Variants in GATM observed in about 807,000 individuals in gnomAD.
GATM encodes the protein glycine amidinotransferase, mitochondrial.
Under a neutral mutation model 54.2 loss-of-function variants are expected in GATM, and 23 were observed. That is an observed-to-expected ratio of 0.42 (90% CI 0.31 to 0.60). The LOEUF (loss-of-function observed/expected upper bound fraction) is 0.60. GATM is among the 20% of genes least tolerant of loss of function. The pLI is 0.14. For synonymous variants in GATM, 168 were observed against 183.1 expected (o/e 0.92, Z 0.67); for missense variants, 401 against 544.9 (o/e 0.74, Z 2.63).
chr15:45,361,809 G>C lies in GATM; in HGVS notation c.*300C>G. The C allele has an allele frequency of 1.9e-6, 1 of 521,178 alleles. No homozygotes were observed. Among genetic ancestry groups the C allele is most frequent in the Non-Finnish European group, 3.4e-6 (1 of 297,824 alleles). 32.3% of individuals were successfully genotyped at this position (521,178 alleles called of 1,614,324 possible). A position where few individuals can be genotyped will look rare whatever the true frequency, so the allele number is the denominator to read the frequency against. ...AAGAAAATTAAAAACAGAGGTAGAT[G>C]GTTAATTATTAGTGGCCAAGTTACT... On this transcript the variant is annotated 3_prime_UTR_variant, in exon 9 of 9. Transcript: ENST00000396659.
intron 3 of GATM, among the ~76,000 whole-genome samples, chr15:45,384,713 C>T (rs1345730202): frequency 1.3e-5 from 2 of 152,056 alleles, no homozygotes; most frequent in Admixed American, 6.6e-5. Flanking sequence ...TTCCCCACCC[C>T]TCCTTTGTTT....
rs775917848 is a variant in GATM at position 45,362,105 on chromosome 15, C to CTG, written c.*2_*3dup. 2 of 1,579,190 alleles carry CTG rather than the reference C, an allele frequency of 1.3e-6. No homozygotes were observed. Among genetic ancestry groups the CTG allele is most frequent in the South Asian group, 2.2e-5 (2 of 90,228 alleles). ...AGGCCAGCCACAAGCTCCATCAGGC[C>CTG]TGTTCAGTCCAAGTAGGACTGTAAG... On this transcript the variant is annotated 3_prime_UTR_variant, in exon 9 of 9. Transcript: ENST00000396659.
At chr15:45,366,642 C>A in intron 4 of GATM, 134 bp from the exon 5 acceptor site, 1 of 970,092 alleles carries the variant, frequency 1.0e-6, no homozygotes. Context: ...CTAAAACATG[C>A]CTGGGAAAGA....
chr15:45,376,007 T>A (rs147228889), intron 2 of GATM, among the ~76,000 whole-genome samples: 1 of 152,186 alleles, frequency 6.6e-6, no homozygotes, highest in Non-Finnish European at 1.5e-5. Flanking sequence ...AGATTCATTT[T>A]TGACAAAAGC....
chr15:45,396,729 C>T (rs902593863), intron 3 of GATM, among the ~76,000 whole-genome samples: 6 of 151,692 alleles, frequency 4.0e-5, no homozygotes, highest in Admixed American at 6.6e-5. Context: ...ATTAGCCGGG[C>T]GTGGCAGCAT....
chr15:45,364,942 T>C, intron 6 of GATM, 82 bp from the exon 7 acceptor site: 1 of 1,122,208 alleles, frequency 8.9e-7, no homozygotes, highest in South Asian at 1.3e-5. Flanking sequence ...CCCTTATCAG[T>C]AATAATTCTC....
At chr15:45,362,301 AG>A in intron 8 of GATM, 80 bp from the exon 9 acceptor site, 1 of 856,020 alleles carries the variant, frequency 1.2e-6, no homozygotes, top group Non-Finnish European at 2.0e-6. Context: ...ACAGACTTGG[AG>A]GAGTCCTGTG....
intron 3 of GATM, among the ~76,000 whole-genome samples, chr15:45,396,752 C>G (rs1007425824): frequency 6.6e-6 from 1 of 151,652 alleles, no homozygotes; most frequent in African/African-American, 2.4e-5. Context: ...TGCCTGTAAT[C>G]CCAGCTACTC....
chr15:45,385,198 G>A (rs545992516), intron 3 of GATM, among the ~76,000 whole-genome samples: 130 of 152,306 alleles, frequency 8.5e-4, no homozygotes, highest in African/African-American at 2.9e-3. Flanking sequence ...GGTGTTGCAG[G>A]AAATATTTTT....
chr15:45,389,970 G>A (rs1360949501), intron 3 of GATM, among the ~76,000 whole-genome samples: 2 of 151,538 alleles, frequency 1.3e-5, no homozygotes, highest in East Asian at 3.9e-4. Flanking sequence ...AGCAATTCTT[G>A]TGCCCCTGCC....
At position 45,386,855 on chromosome 15, in the gene GATM, G is replaced by A. The variant is rs886130182; in HGVS notation, c.-318-10036C>T. On this transcript the variant is annotated intron_variant, in intron 3 of 4. Coordinates refer to the GATM transcript ENST00000561148. ...CTTATGGTCATTTAAGTGACAAAAC[G>A]TCCTCCATAGTCACGTTCTCCCTGC... 3.9e-5 allele frequency among the ~76,000 whole-genome samples: 6 copies of A among 152,222 alleles called. No individual in the cohort carries two copies. The East Asian group carries it at 5.8e-4, about 15-fold the overall frequency.
upstream of GATM, chr15:45,378,552 C>T: frequency 1.1e-6 from 1 of 943,672 alleles, no homozygotes; most frequent in African/African-American, 1.8e-5. Context: ...GGTGGGCGGG[C>T]GCGCGGGGCC....
upstream of GATM, among the ~76,000 whole-genome samples, chr15:45,381,849 C>A (rs558428622): frequency 5.3e-5 from 8 of 152,226 alleles, no homozygotes; most frequent in East Asian, 1.5e-3. Flanking sequence ...AATAAAGCTG[C>A]AATTTTTTTA....
intron 3 of GATM, among the ~76,000 whole-genome samples, chr15:45,390,300 C>T (rs146657833): frequency 2.0e-5 from 3 of 152,316 alleles, no homozygotes; most frequent in African/African-American, 7.2e-5. Flanking sequence ...GCAGTTGGAG[C>T]TTTTCTCTCA....
chr15:45,396,759 A>C (rs1227610883), intron 3 of GATM, among the ~76,000 whole-genome samples: 1 of 151,050 alleles, frequency 6.6e-6, no homozygotes, highest in Non-Finnish European at 1.5e-5. Context: ...AATCCCAGCT[A>C]CTCGGGAGGC....
intron 1 of GATM, among the ~76,000 whole-genome samples, chr15:45,401,152 A>G (rs1359784816): frequency 6.6e-6 from 1 of 152,208 alleles, no homozygotes; most frequent in Admixed American, 6.5e-5. Flanking sequence ...GCAGACAAGT[A>G]CAGCTGAGAC....
chr15:45,362,305 G>A (rs1223525765), intron 8 of GATM, 84 bp from the exon 9 acceptor site: 1 of 827,160 alleles, frequency 1.2e-6, no homozygotes, highest in Non-Finnish European at 2.1e-6. Flanking sequence ...ACTTGGAGGA[G>A]TCCTGTGGTT....
chr15:45,376,954 G>A (rs1889648181), intron 1 of GATM, 135 bp from the exon 2 acceptor site: 6 of 784,110 alleles, frequency 7.7e-6, no homozygotes, highest in South Asian at 1.5e-5. Context: ...AAACCAAGAC[G>A]TTAACAGTGT....
chr15:45,392,298 G>T (rs182407706), intron 3 of GATM, among the ~76,000 whole-genome samples: 69 of 152,288 alleles, frequency 4.5e-4, no homozygotes, highest in African/African-American at 1.6e-3. Flanking sequence ...TCCGTATCTG[G>T]TTCCTACAGT....
Sources: allele counts gnomAD v4.1 joint callset (sites outside exome capture counted in the v4.1 genomes callset), GRCh38; gene constraint gnomAD v4.1.1; transcripts MANE v1.5; gene names NCBI Gene and HGNC (gene_info 2026-07-23, HGNC 2026-07-21).